Variants in MAGED2 observed in about 807,000 individuals in gnomAD.
MAGED2 encodes MAGE family member D2.
A neutral mutation model predicts 41.7 loss-of-function variants in MAGED2; 6 were observed. The ratio of observed to expected loss-of-function variants is 0.14; its 90% confidence interval spans 0.08 to 0.28. The LOEUF (loss-of-function observed/expected upper bound fraction) is 0.28. MAGED2 is among the 10% of genes least tolerant of loss of function. The probability of loss-of-function intolerance (pLI) is 1.00; values close to 1 mark genes in which losing one functional copy is unlikely to be tolerated. For missense variants in MAGED2, 343 were observed against 486.4 expected (o/e 0.71, Z 2.77); for synonymous variants, 146 against 178.2 (o/e 0.82, Z 1.44).
intron 1 of MAGED2, among the ~76,000 whole-genome samples, 152 bp downstream of exon 1, chrX:54,807,954 A>G (rs1399176439): frequency 1.8e-5 from 2 of 109,919 alleles, no homozygotes; most frequent in African/African-American, 3.3e-5. Context: ...AGGACGACTG[A>G]GAAAGTAGTA....
In MAGED2 at chrX:54,815,431, G is replaced by A. The variant is rs1453457173; in HGVS notation, c.1570G>A (p.Gly524Arg). 3 of 1,207,026 alleles carry A rather than the reference G, an allele frequency of 2.5e-6. No homozygotes were observed. Among genetic ancestry groups the A allele is most frequent in the Admixed American group, 2.2e-5 (1 of 45,610 alleles). Residue 524 changes from glycine to arginine, a missense_variant, in exon 12 of 13, where the codon GGA (glycine) becomes AGA (arginine). By Grantham distance (125) the Gly-to-Arg change is moderately radical. Coordinates refer to ENST00000375068, the MANE Select transcript of MAGED2 (RefSeq NM_177433.3). Reference sequence around the variant, plus strand: ...CTGCAACTGGGACGAAGCTGATATCGGACCCTGGGCCAAAGCCCGGATCCA... The same window carrying A: ...CTGCAACTGGGACGAAGCTGATATCAGACCCTGGGCCAAAGCCCGGATCCA... ...GPCNWDEADI[G>R]PWAKARIQAG...
At chrX:54,809,048 G>C (rs906688936) in intron 1 of MAGED2, 14 of 371,850 alleles carry the variant, frequency 3.8e-5, no homozygotes, top group Admixed American at 2.6e-4. Context: ...GCGGCTGGGT[G>C]GGGGGTGCAC....
intron 7 of MAGED2, 46 bp downstream of exon 7, chrX:54,812,297 A>G (rs377106367): frequency 8.6e-6 from 7 of 809,943 alleles, no homozygotes; most frequent in Non-Finnish European, 1.3e-5. Context: ...TGCTTTGGCC[A>G]TGTGCTGCTA....
chrX:54,812,307 A>G, intron 7 of MAGED2, 56 bp downstream of exon 7: 2 of 744,801 alleles, frequency 2.7e-6, no homozygotes, highest in Non-Finnish European at 4.0e-6. Flanking sequence ...ATGTGCTGCT[A>G]CTCCTCCTTT....
intron 7 of MAGED2, among the ~76,000 whole-genome samples, chrX:54,812,466 T>TCCTGCTGTCAGGTTTGCTGTC (rs1266935965): frequency 8.0e-5 from 9 of 112,025 alleles, no homozygotes; most frequent in Non-Finnish European, 1.1e-4. Context: ...AGTGGGACAT[T>TCCTGCTGTCAGGTTTGCTGTC]CCTGCTGTCA....
chrX:54,811,844 G>A (rs752404316), intron 6 of MAGED2, among the ~76,000 whole-genome samples, 191 bp downstream of exon 6: 11 of 111,819 alleles, frequency 9.8e-5, no homozygotes, highest in Non-Finnish European at 1.9e-4. Context: ...TAAAAGTGCA[G>A]CTAGGACCCA....
rs773873362 is a variant in MAGED2 at position 54,814,391 on chromosome X, G to T, written c.1272-270G>T. ...CAGTGGGGTGTGCTCAGAGCAGGGG[G>T]CCCAAAGAATGGCTCCTCTGTTTAC... On this transcript the variant is annotated intron_variant, in intron 10 of 12. Transcript: ENST00000375068. 26 of 485,300 alleles carry T rather than the reference G, an allele frequency of 5.4e-5. No individual in the cohort carries two copies. In the South Asian group the frequency reaches 5.7e-4, roughly 11 times the overall value. 40.0% of individuals were successfully genotyped at this position (485,300 alleles called of 1,213,427 possible). A position where few individuals can be genotyped will look rare whatever the true frequency, so the allele number is the denominator to read the frequency against.
At chrX:54,813,639 G>T in intron 10 of MAGED2, 89 bp downstream of exon 10, 1 of 741,809 alleles carries the variant, frequency 1.3e-6, no homozygotes. Context: ...GGATGCATGT[G>T]TCTATGTGTG....
In MAGED2 at chrX:54,809,856, C is replaced by T. The variant is rs1471540890; in HGVS notation, c.180C>T (p.Ala60=). ...CAGAGGATGTGAAGGTCTCAAAAGC[C>T]TCTGGGGTCTCAAAGGCCACAGAGG... is the stretch of plus-strand genomic sequence containing the variant. ...EVSEDVKVSK[A]SGVSKATEVS... Residue 60 remains alanine (A), a synonymous_variant, in exon 3 of 13, where the codon GCC becomes GCT. Transcript: ENST00000375068. 1.7e-6 allele frequency: 2 copies of T among 1,195,563 alleles called. No individual in the cohort carries two copies. Among genetic ancestry groups the T allele is most frequent in the Non-Finnish European group, 2.3e-6 (2 of 887,046 alleles).
rs777217330 is a variant in MAGED2, at chrX:54,815,531, ACAGTGC to A, written c.1686_1691del (p.Ala563_Ser564del). On this transcript the variant is annotated inframe_deletion, in exon 12 of 13. Transcript: ENST00000375068. ...ACTGGTGCCAGTACCAGTACCAATA[ACAGTGC>A]CAGTGCCAGTGCCAGCACCAGTGGT... 291 of 1,184,549 alleles carry A rather than the reference ACAGTGC, an allele frequency of 2.5e-4. No homozygotes were observed. In the African/African-American group the frequency reaches 3.4e-3, roughly 14 times the overall value.
chrX:54,814,981 G>A (rs771224546), intron 11 of MAGED2, among the ~76,000 whole-genome samples: 7 of 112,113 alleles, frequency 6.2e-5, no homozygotes, highest in Admixed American at 4.7e-4. Flanking sequence ...TGAGAAAACC[G>A]AGGCCCAGAA....
chrX:54,810,805 CT>C lies in MAGED2; in HGVS notation c.538-15del. The C allele has an allele frequency of 8.7e-7, 1 of 1,145,228 alleles. No individual in the cohort carries two copies. The highest frequency in any genetic ancestry group is 2.1e-5 in the South Asian group (1 of 48,108). The allele number at this position is 1,145,228 out of a possible 1,213,427, so 94.4% of individuals were successfully genotyped here. On this transcript the variant is annotated splice_polypyrimidine_tract_variant and intron_variant, in intron 3 of 12. Coordinates refer to ENST00000375068, the MANE Select transcript of MAGED2 (RefSeq NM_177433.3). ...GCTTCATCTGGTGACGTTGAGCTTC[CT>C]CTCTGTTGATGCAGGTGAAGCATCT...
At chrX:54,812,371 C>T (rs1929834895) in intron 7 of MAGED2, 120 bp downstream of exon 7, 3 of 442,662 alleles carry the variant, frequency 6.8e-6, no homozygotes, top group Non-Finnish European at 3.9e-6. Context: ...TCTCAAAAGC[C>T]CCGTCCCAGT....
chrX:54,812,073 C>T (rs1370074897), intron 6 of MAGED2, 84 bp from the exon 7 acceptor site: 6 of 558,083 alleles, frequency 1.1e-5, no homozygotes, highest in Middle Eastern at 3.2e-4. Flanking sequence ...CTCACACATG[C>T]GAAACTCCTA....
In MAGED2 at chrX:54,812,960, C is replaced by G. The variant is rs761467957; in HGVS notation, c.1101C>G (p.Pro367=). The part of the protein sequence containing the change: ...AGILGTTKDS[P]KLGLLMVLLS... The stretch of plus-strand genomic sequence containing the variant: ...ATTTCTCTAGGACTAAGGACTCACC[C>G]AAGCTGGGTCTGCTCATGGTGCTTC... The change falls in exon 8 of 13, where the codon CCC becomes CCG. Residue 367 remains proline (P), a synonymous_variant. Coordinates refer to ENST00000375068, the MANE Select transcript of MAGED2 (RefSeq NM_177433.3). The G allele has an allele frequency of 1.7e-6, 2 of 1,208,059 alleles. No homozygotes were observed. Among genetic ancestry groups the G allele is most frequent in the Non-Finnish European group, 2.2e-6 (2 of 893,705 alleles).
In MAGED2 at chrX:54,810,125, C is replaced by A. The variant is rs779453522; in HGVS notation, c.449C>A (p.Ala150Glu). The A allele has an allele frequency of 4.2e-5, 50 of 1,201,594 alleles. No homozygotes were observed. In the Admixed American group the frequency reaches 1.0e-3, roughly 25 times the overall value. Reference sequence around the variant, plus strand: ...GAGGCTGCACCCTCTCAGGCCCCAGCAGATGAACCTGAGCCTGAGAGTGCA... The same window carrying A: ...GAGGCTGCACCCTCTCAGGCCCCAGAAGATGAACCTGAGCCTGAGAGTGCA... ...ETEAAPSQAP[A>E]DEPEPESAAA... Residue 150 changes from alanine to glutamate, a missense_variant, in exon 3 of 13, where the codon GCA (alanine) becomes GAA (glutamate). Ala to Glu is a moderately radical substitution (Grantham distance 107). This residue lies in a region of MAGED2 where 195 missense variants were observed against 221.2 expected (regional missense o/e 0.88). Coordinates refer to ENST00000375068, the MANE Select transcript of MAGED2 (RefSeq NM_177433.3).
At chrX:54,809,598 G>A (rs369557213) in intron 2 of MAGED2, 124 bp from the exon 3 acceptor site, 2 of 1,087,358 alleles carry the variant, frequency 1.8e-6, no homozygotes, top group Non-Finnish European at 1.2e-6. Context: ...GGGCTGAGGT[G>A]GTCAGAGCAC....
chrX:54,812,128 A>C, intron 6 of MAGED2, 29 bp from the exon 7 acceptor site: 1 of 940,835 alleles, frequency 1.1e-6, no homozygotes. Flanking sequence ...GAATTTTGTC[A>C]TCTCACAAGC....
At chrX:54,811,536 C>G (rs1929803386) in intron 5 of MAGED2, 38 bp from the exon 6 acceptor site, 1 of 1,101,853 alleles carries the variant, frequency 9.1e-7, no homozygotes, top group East Asian at 3.0e-5. Context: ...CACCTGGCAT[C>G]TCTTCAGTCA....
Sources: gnomAD v4.1 joint callset for allele counts (sites outside exome capture counted in the v4.1 genomes callset) on GRCh38, gnomAD v4.1.1 for gene constraint, gnomAD v4.1.1 regional missense constraint, MANE v1.5 for transcripts, NCBI Gene and HGNC (gene_info 2026-07-23, HGNC 2026-07-21) for gene names.